CCSER1: variants seen among roughly 807,000 people sequenced by gnomAD.
CCSER1 encodes the protein serine-rich coiled-coil domain-containing protein 1.
A neutral mutation model predicts 82.0 loss-of-function variants in CCSER1; 41 were observed. The ratio of observed to expected loss-of-function variants is 0.50; its 90% CI spans 0.39 to 0.65. CCSER1 has a LOEUF of 0.65. CCSER1 is among the 30% of genes least tolerant of loss of function. The pLI is 0.00. For missense variants in CCSER1, 1,119 were observed against 1,064.2 expected (o/e 1.05, Z -0.72); for synonymous variants, 414 against 383.9 (o/e 1.08, Z -0.92).
intron 10 of CCSER1, among the ~76,000 whole-genome samples, chr4:91,197,754 G>A (rs1735567984): frequency 6.6e-6 from 1 of 152,002 alleles, no homozygotes; most frequent in Non-Finnish European, 1.5e-5. Flanking sequence ...CCTAGATTGG[G>A]CTAGACCTCA....
chr4:90,534,331 A>T (rs556426802), intron 5 of CCSER1, among the ~76,000 whole-genome samples: 1 of 151,888 alleles, frequency 6.6e-6, no homozygotes, highest in Admixed American at 6.6e-5. Context: ...GGGTTTCACC[A>T]TGTTAGCCAG....
chr4:91,598,307 T>C (rs1185316326), intron 10 of CCSER1, among the ~76,000 whole-genome samples: 1 of 152,162 alleles, frequency 6.6e-6, no homozygotes, highest in Non-Finnish European at 1.5e-5. Context: ...AATCTGTATT[T>C]TCTGTGAAGC....
At chr4:91,373,644 A>T (rs1750194017) in intron 10 of CCSER1, among the ~76,000 whole-genome samples, 1 of 152,164 alleles carries the variant, frequency 6.6e-6, no homozygotes. Flanking sequence ...CAATGTTGAC[A>T]TTATGTCAGT....
rs557776233 is a variant in CCSER1 at position 90,945,887 on chromosome 4, T to C, written c.2172+22440T>C. Among the ~76,000 whole-genome samples the C allele has an allele frequency of 5.9e-5, 9 of 152,260 alleles. No homozygotes were observed. The East Asian group carries it at 1.3e-3, about 23-fold the overall frequency. On this transcript the variant is annotated intron_variant, in intron 9 of 10. Transcript: ENST00000509176. Reference sequence around the variant, plus strand: ...TTACATATTTTAAATATTTTGATCCTCACGAAAGCTATAAAGTAATTACTC... The same window carrying C: ...TTACATATTTTAAATATTTTGATCCCCACGAAAGCTATAAAGTAATTACTC...
intron 5 of CCSER1, among the ~76,000 whole-genome samples, chr4:90,609,800 CTTTAG>C (rs1190359220): frequency 6.6e-6 from 1 of 152,142 alleles, no homozygotes; most frequent in Non-Finnish European, 1.5e-5. Flanking sequence ...TGGATGTGTA[CTTTAG>C]TAATCAGTGG....
chr4:91,358,237 G>A (rs1748988540), intron 10 of CCSER1, among the ~76,000 whole-genome samples: 1 of 151,806 alleles, frequency 6.6e-6, no homozygotes, highest in Non-Finnish European at 1.5e-5. Context: ...TACTGTCTGT[G>A]TACGGAAACT....
At chr4:91,165,642 C>T (rs894677378) in intron 10 of CCSER1, among the ~76,000 whole-genome samples, 12 of 152,200 alleles carry the variant, frequency 7.9e-5, no homozygotes, top group African/African-American at 2.9e-4. Flanking sequence ...CAATGGCAGA[C>T]GCCCCTCCCC....
intron 4 of CCSER1, among the ~76,000 whole-genome samples, chr4:90,432,472 A>G (rs1758414581): frequency 6.6e-6 from 1 of 152,292 alleles, no homozygotes; most frequent in Admixed American, 6.5e-5. Flanking sequence ...TACAATGTTC[A>G]TAACACATGC....
At chr4:91,348,541 A>T (rs1256010471) in intron 10 of CCSER1, among the ~76,000 whole-genome samples, 1 of 152,158 alleles carries the variant, frequency 6.6e-6, no homozygotes, top group African/African-American at 2.4e-5. Flanking sequence ...GAAACTAGAG[A>T]ATTGCTGTAA....
At chr4:91,513,692 A>T (rs2110121717) in intron 10 of CCSER1, among the ~76,000 whole-genome samples, 1 of 152,162 alleles carries the variant, frequency 6.6e-6, no homozygotes, top group South Asian at 2.1e-4. Flanking sequence ...CAATTTTGTG[A>T]GATAGTGTGT....
chr4:90,672,057 G>A (rs1673323292), intron 6 of CCSER1, among the ~76,000 whole-genome samples: 1 of 152,020 alleles, frequency 6.6e-6, no homozygotes, highest in Admixed American at 6.6e-5. Flanking sequence ...TGTTATCCAT[G>A]CTTTGTTGTT....
chr4:90,960,541 T>C (rs1312908862), intron 9 of CCSER1, among the ~76,000 whole-genome samples: 1 of 152,182 alleles, frequency 6.6e-6, no homozygotes, highest in Non-Finnish European at 1.5e-5. Flanking sequence ...AGCAGATTTA[T>C]CTGATCTCCA....
In CCSER1 at chr4:91,263,380, C is replaced by A. The variant is rs147183336; in HGVS notation, c.2217+177386C>A. Among the ~76,000 whole-genome samples, 294 of 152,134 alleles carry A rather than the reference C, an allele frequency of 1.9e-3. 2 individuals are homozygous for A. The highest frequency in any genetic ancestry group is 6.6e-3 in the African/African-American group (275 of 41,566). ...TTTGTAGCCTACTGCCAAATTTTAA[C>A]ATTCAAGTTTATTCATTTTTCTTTA... On this transcript the variant is annotated intron_variant, in intron 10 of 10. Transcript: ENST00000509176.
At chr4:90,163,045 A>G (rs970035792) in intron 1 of CCSER1, among the ~76,000 whole-genome samples, 1 of 152,166 alleles carries the variant, frequency 6.6e-6, no homozygotes. Context: ...ATGTTTTTAC[A>G]CATTTTGAAA....
Position 90,276,256 on chromosome 4 carries a change from TTCCTTCCTTCCTTCCTTCC to T in CCSER1, c.-41-31986_-41-31968del, listed in dbSNP as rs1727701810. Among the ~76,000 whole-genome samples the T allele has an allele frequency of 5.0e-4, 42 of 84,168 alleles. 1 individual carries two copies. Among genetic ancestry groups the T allele is most frequent in the East Asian group, 7.3e-4 (2 of 2,726 alleles). 55.2% of individuals were successfully genotyped at this position (84,168 alleles called of 152,430 possible). A position where few individuals can be genotyped will look rare whatever the true frequency, so the allele number is the denominator to read the frequency against. On this transcript the variant is annotated intron_variant, in intron 1 of 10. Coordinates refer to ENST00000509176, the MANE Select transcript of CCSER1 (RefSeq NM_001145065.2). The stretch of plus-strand genomic sequence containing the variant: ...TTTCTTTCTTTCTTTCTTTCTTTCC[TTCCTTCCTTCCTTCCTTCC>T]TTCCTTCCTTCCTTCCTTCCTTCCT...
intron 1 of CCSER1, among the ~76,000 whole-genome samples, chr4:90,177,344 A>G (rs962677403): frequency 6.6e-6 from 1 of 152,112 alleles, no homozygotes; most frequent in Non-Finnish European, 1.5e-5. Context: ...AACAAAAACT[A>G]CTGATTTCTC....
chr4:91,198,118 A>C (rs999039518), intron 10 of CCSER1, among the ~76,000 whole-genome samples: 7 of 152,318 alleles, frequency 4.6e-5, no homozygotes, highest in Middle Eastern at 3.4e-3. Context: ...ATAGTTCCTT[A>C]ATTTACAAAT....
intron 2 of CCSER1, among the ~76,000 whole-genome samples, chr4:90,311,213 T>C (rs1382642236): frequency 6.6e-6 from 1 of 152,012 alleles, no homozygotes; most frequent in Admixed American, 6.6e-5. Flanking sequence ...ATCCAGGAAG[T>C]TTTAAAATTA....
chr4:90,420,859 T>C (rs1377973870), intron 4 of CCSER1, among the ~76,000 whole-genome samples: 1 of 152,110 alleles, frequency 6.6e-6, no homozygotes, highest in Non-Finnish European at 1.5e-5. Context: ...AAGATGTATT[T>C]CATTCGGCAT....
Sources: allele counts gnomAD v4.1 joint callset (sites outside exome capture counted in the v4.1 genomes callset), GRCh38; gene constraint gnomAD v4.1.1; transcripts MANE v1.5; gene names NCBI Gene and HGNC (gene_info 2026-07-23, HGNC 2026-07-21).